Variants in AQR observed in about 807,000 individuals in gnomAD.
AQR encodes the protein aquarius intron-binding spliceosomal factor.
AQR carries 61 observed loss-of-function variants against 180.5 expected under a neutral mutation model. That is an observed-to-expected ratio of 0.34 (90% CI 0.28 to 0.42). The LOEUF is 0.42. Among genes scored for constraint, AQR ranks in the 10% least tolerant of loss-of-function variants. The probability of loss-of-function intolerance (pLI) is 1.00; values close to 1 mark genes in which losing one functional copy is unlikely to be tolerated. For synonymous variants in AQR, 551 were observed against 588.8 expected (o/e 0.94, Z 0.93); for missense variants, 1,281 against 1,798.3 (o/e 0.71, Z 5.20).
At chr15:34,902,519 AG>A (rs1893347008) in intron 19 of AQR, among the ~76,000 whole-genome samples, 1 of 152,076 alleles carries the variant, frequency 6.6e-6, no homozygotes, top group Non-Finnish European at 1.5e-5. Context: ...TTTTATCCAC[AG>A]GCTTTTTATG....
chr15:34,918,791 C>G (rs139418026), intron 14 of AQR, among the ~76,000 whole-genome samples: 332 of 152,340 alleles, frequency 2.2e-3, no homozygotes, highest in Non-Finnish European at 3.8e-3. Context: ...AAAATAGGAG[C>G]TCTAGGTTTT....
intron 17 of AQR, among the ~76,000 whole-genome samples, chr15:34,908,844 G>A (rs991507525): frequency 2.0e-5 from 3 of 151,984 alleles, no homozygotes; most frequent in African/African-American, 7.3e-5. Context: ...TACTTCTGGG[G>A]GTACCCAGTA....
At chr15:34,957,991 A>G (rs1164401890) in intron 3 of AQR, among the ~76,000 whole-genome samples, 2 of 151,054 alleles carry the variant, frequency 1.3e-5, no homozygotes, top group Middle Eastern at 3.4e-3. Flanking sequence ...GGGCGATCAC[A>G]AGGTCGGGAG....
chr15:34,918,498 T>G, intron 14 of AQR, 120 bp from the exon 15 acceptor site: 1 of 1,174,696 alleles, frequency 8.5e-7, no homozygotes, highest in South Asian at 1.6e-5. Flanking sequence ...GCGATTTTTT[T>G]TTCTTTTCCT....
Position 34,884,630 on chromosome 15 carries a change from A to G in AQR, c.2922T>C (p.Phe974=). 1 of 1,610,852 alleles carries G rather than the reference A, an allele frequency of 6.2e-7. No individual in the cohort carries two copies. The highest frequency in any genetic ancestry group is 2.2e-5 in the East Asian group (1 of 44,750). Reference sequence around the variant, plus strand: ...TAAAAATGGGTTGAGGAGCATTTGCAAAGTATTCATGGAAAGGGAAGAAAG... The same window carrying G: ...TAAAAATGGGTTGAGGAGCATTTGCGAAGTATTCATGGAAAGGGAAGAAAG... ...VSTFFPFHEY[F]ANAPQPIFKG... The change falls in exon 26 of 35, where the codon TTT becomes TTC. Residue 974 remains phenylalanine (F), a synonymous_variant. Transcript: ENST00000156471.
chr15:34,961,360 C>T (rs1041425133), intron 2 of AQR, among the ~76,000 whole-genome samples: 1 of 151,918 alleles, frequency 6.6e-6, no homozygotes, highest in Non-Finnish European at 1.5e-5. Context: ...GACTGTAATC[C>T]GAGCACTTTG....
At position 34,948,246 on chromosome 15, in the gene AQR, G is replaced by A; in HGVS notation, c.330+18C>T. 1.2e-6 allele frequency: 2 copies of A among 1,612,292 alleles called. No individual in the cohort carries two copies. The highest frequency in any genetic ancestry group is 2.2e-5 in the South Asian group (2 of 90,820). On this transcript the variant is annotated intron_variant, in intron 5 of 34. Transcript: ENST00000156471. ...TGTGGGTCAGTATGAAAGCTATGAA[G>A]TACTTTAAATCAGTTACCTCCCATG... is the stretch of plus-strand genomic sequence containing the variant.
intron 6 of AQR, chr15:34,943,055 C>G (rs1894050119): frequency 6.2e-7 from 1 of 1,606,154 alleles, no homozygotes; most frequent in Non-Finnish European, 8.5e-7. Flanking sequence ...AAGAGGCTTT[C>G]TGTGCCGATA....
chr15:34,929,871 T>C (rs1337491944), intron 12 of AQR, among the ~76,000 whole-genome samples: 1 of 152,246 alleles, frequency 6.6e-6, no homozygotes, highest in Non-Finnish European at 1.5e-5. Flanking sequence ...TTTTTGGGCG[T>C]ATCTGAATTA....
chr15:34,900,898 T>C (rs1340820768), intron 19 of AQR, 35 bp from the exon 20 acceptor site: 10 of 1,548,382 alleles, frequency 6.5e-6, no homozygotes, highest in Non-Finnish European at 8.7e-6. Context: ...ATTGTGTCAG[T>C]ATGACATCTC....
chr15:34,856,083 G>T lies in AQR; in HGVS notation c.*709C>A, dbSNP rs549808485. 9.1e-5 allele frequency: 14 copies of T among 153,146 alleles called. No individual in the cohort carries two copies. The highest frequency in any genetic ancestry group is 2.6e-4 in the African/African-American group (11 of 41,622). The allele number at this position is 153,146 out of a possible 1,614,324, so 9.5% of individuals were successfully genotyped here. ...TTAGCTGATGACAAATCCTGGCTCA[G>T]CCTAACCAGCCTTGGCTGATGCCAC... On this transcript the variant is annotated 3_prime_UTR_variant, in exon 35 of 35. Transcript: ENST00000156471.
chr15:34,902,462 C>CT (rs1491055864), intron 19 of AQR, among the ~76,000 whole-genome samples: 1 of 151,454 alleles, frequency 6.6e-6, no homozygotes, highest in Non-Finnish European at 1.5e-5. Flanking sequence ...CATTCCCCCT[C>CT]TTTCTTGGAT....
chr15:34,955,208 TA>T (rs1316110435), intron 3 of AQR, among the ~76,000 whole-genome samples: 2 of 152,340 alleles, frequency 1.3e-5, no homozygotes, highest in South Asian at 2.1e-4. Flanking sequence ...TTTGGATGGT[TA>T]TTTTTTTAAG....
rs1214887229 is a variant in AQR, at chr15:34,852,995, C to T, written c.*3797G>A. The T allele has an allele frequency of 6.6e-6, 1 of 152,140 alleles. No individual in the cohort carries two copies. The highest frequency in any genetic ancestry group is 1.5e-5 in the Non-Finnish European group (1 of 68,028). The allele number at this position is 152,140 out of a possible 1,614,324, so 9.4% of individuals were successfully genotyped here. A position where few individuals can be genotyped will look rare whatever the true frequency, so the allele number is the denominator to read the frequency against. On this transcript the variant is annotated 3_prime_UTR_variant, in exon 35 of 35. Coordinates refer to ENST00000156471, the MANE Select transcript of AQR (RefSeq NM_014691.3). ...TCTCTAAGAAGAAAAACTGGAGCGT[C>T]CAAAGCTTCTGGATTCCATTTAATT...
chr15:34,912,655 AC>A (rs1196731373), intron 16 of AQR, among the ~76,000 whole-genome samples: 1 of 152,032 alleles, frequency 6.6e-6, no homozygotes, highest in African/African-American at 2.4e-5. Context: ...AAAAAAAAAA[AC>A]AAGCTAGTTG....
intron 32 of AQR, among the ~76,000 whole-genome samples, chr15:34,866,604 A>C (rs1418098376): frequency 2.0e-5 from 3 of 152,140 alleles, no homozygotes; most frequent in African/African-American, 7.2e-5. Context: ...AGGAGTATTC[A>C]TATATTCATA....
In AQR at chr15:34,900,774, T is replaced by C. The variant is rs1893319775; in HGVS notation, c.2091A>G (p.Pro697=). ...GCATTTTCGAATAATGTGCACTACT[T>C]GGGTCCCCATAACCTAAAATGATAT... ...LHDIILGYGD[P]SSAHYSKMPN... Residue 697 remains proline (P), a synonymous_variant, in exon 20 of 35, where the codon CCA becomes CCG. Coordinates refer to ENST00000156471, the MANE Select transcript of AQR (RefSeq NM_014691.3). The C allele has an allele frequency of 6.2e-7, 1 of 1,614,076 alleles. No homozygotes were observed. The highest frequency in any genetic ancestry group is 8.5e-7 in the Non-Finnish European group (1 of 1,180,038).
At chr15:34,960,261 G>A (rs1241096554) in intron 3 of AQR, among the ~76,000 whole-genome samples, 2 of 152,172 alleles carry the variant, frequency 1.3e-5, no homozygotes, top group African/African-American at 2.4e-5. Flanking sequence ...ATGTGAAGGC[G>A]TGGGGAATAG....
chr15:34,960,412 C>T (rs905886537), intron 3 of AQR, among the ~76,000 whole-genome samples: 5 of 152,124 alleles, frequency 3.3e-5, no homozygotes, highest in African/African-American at 1.2e-4. Flanking sequence ...TTATACATTA[C>T]ATATGTATAC....
Sources: allele counts gnomAD v4.1 joint callset (sites outside exome capture counted in the v4.1 genomes callset), GRCh38; gene constraint gnomAD v4.1.1; transcripts MANE v1.5; gene names NCBI Gene and HGNC (gene_info 2026-07-23, HGNC 2026-07-21).